The following LAMA3 variants were observed in gnomAD, a reference collection of about 807,000 sequenced individuals.
The protein encoded by LAMA3 is laminin subunit alpha 3.
In LAMA3, 281 loss-of-function variants were observed where a neutral mutation model predicts 402.0. That is an observed-to-expected ratio of 0.70 (90% CI 0.63 to 0.77). LAMA3 has a LOEUF of 0.77. Among genes scored for constraint, LAMA3 ranks in the 30% least tolerant of loss-of-function variants. The probability of loss-of-function intolerance (pLI) is 0.00; values close to 1 mark genes in which losing one functional copy is unlikely to be tolerated. For synonymous variants in LAMA3, 1,431 were observed against 1,558.4 expected, an observed-to-expected ratio of 0.92 and a Z score of 1.93; for missense variants, 3,840 against 4,215.5, an observed-to-expected ratio of 0.91 and a Z score of 2.47.
chr18:23,940,705 A>G (rs1174198557), intron 68 of LAMA3, among the ~76,000 whole-genome samples: 5 of 152,306 alleles, frequency 3.3e-5, no homozygotes, highest in East Asian at 1.9e-4. Flanking sequence ...TTGACTGCCA[A>G]GCTCTGAAGG....
chr18:23,916,762 T>C, intron 60 of LAMA3, 67 bp downstream of exon 60: 1 of 1,516,054 alleles, frequency 6.6e-7, no homozygotes, highest in Non-Finnish European at 9.2e-7. Context: ...TGGAGATAAC[T>C]GGGTTGTTAT....
chr18:23,820,008 C>G lies in LAMA3; in HGVS notation c.2304+11C>G. 2 of 1,613,850 alleles carry G rather than the reference C, an allele frequency of 1.2e-6. No homozygotes were observed. Among genetic ancestry groups the G allele is most frequent in the Non-Finnish European group, 1.7e-6 (2 of 1,179,844 alleles). ...ATGACCTCAGTACAGGTACGCAACCCGAAGAGAGCAGCTTCATGGCTGAGT... is the reference window on the plus strand; with the variant it reads ...ATGACCTCAGTACAGGTACGCAACCGGAAGAGAGCAGCTTCATGGCTGAGT... On this transcript the variant is annotated intron_variant, in intron 19 of 74. Coordinates refer to ENST00000313654, the MANE Select transcript of LAMA3 (RefSeq NM_198129.4).
intron 12 of LAMA3, among the ~76,000 whole-genome samples, chr18:23,786,359 C>T (rs529995964): frequency 6.6e-6 from 1 of 152,194 alleles, no homozygotes; most frequent in Non-Finnish European, 1.5e-5. Flanking sequence ...CTTCTGCAGT[C>T]CTGTATAGCA....
At chr18:23,815,078 C>G (rs1168703532) in intron 15 of LAMA3, 110 bp from the exon 16 acceptor site, 1 of 924,528 alleles carries the variant, frequency 1.1e-6, no homozygotes, top group African/African-American at 1.6e-5. Context: ...TGTTGAACTG[C>G]GCTGGCAAGG....
chr18:23,823,692 G>A (rs1485234041), intron 20 of LAMA3, among the ~76,000 whole-genome samples: 1 of 152,200 alleles, frequency 6.6e-6, no homozygotes, highest in East Asian at 1.9e-4. Context: ...TGTAGAACAA[G>A]AGTGAACCCA....
chr18:23,857,795 AT>A, intron 32 of LAMA3, 48 bp from the exon 33 acceptor site: 2 of 1,613,602 alleles, frequency 1.2e-6, no homozygotes, highest in African/African-American at 2.7e-5. Flanking sequence ...GCACTTTAAA[AT>A]TGTGTGTACA....
intron 9 of LAMA3, 98 bp from the exon 10 acceptor site, chr18:23,775,694 G>T: frequency 1.5e-6 from 2 of 1,370,374 alleles, no homozygotes; most frequent in South Asian, 1.2e-5. Context: ...TATAGACCAA[G>T]GATCAAGTAT....
rs76773018 is a variant in LAMA3 at position 23,810,229 on chromosome 18, C to T, written c.1604-137C>T. 6,254 of 1,004,510 alleles carry T rather than the reference C, an allele frequency of 6.2e-3. 226 individuals carry two copies. The Admixed American group carries it at 0.069, about 11-fold the overall frequency. 62.2% of individuals were successfully genotyped at this position (1,004,510 alleles called of 1,614,324 possible). A position where few individuals can be genotyped will look rare whatever the true frequency, so the allele number is the denominator to read the frequency against. On this transcript the variant is annotated intron_variant, in intron 12 of 74. Transcript: ENST00000313654. ...AGTTGAGTGGCTTGTTTCAGGTTCC[C>T]GATCTCATAAGAAGTGGAGCTGGAA...
intron 20 of LAMA3, 26 bp downstream of exon 20, chr18:23,822,401 G>A (rs1477117657): frequency 2.5e-6 from 4 of 1,607,606 alleles, no homozygotes; most frequent in Non-Finnish European, 3.4e-6. Flanking sequence ...AAAATGTCAA[G>A]CCTCTTTTCA....
chr18:23,704,503 T>C (rs2060850307), intron 1 of LAMA3, among the ~76,000 whole-genome samples: 1 of 152,234 alleles, frequency 6.6e-6, no homozygotes, highest in Non-Finnish European at 1.5e-5. Flanking sequence ...TGATATAAAG[T>C]TCACAGTGTT....
chr18:23,911,664 C>G (rs958393816), intron 55 of LAMA3, among the ~76,000 whole-genome samples: 4 of 151,348 alleles, frequency 2.6e-5, no homozygotes, highest in African/African-American at 4.8e-5. Flanking sequence ...GATGTACTCA[C>G]TTATTTTTCA....
chr18:23,834,166 C>T, intron 24 of LAMA3, 178 bp downstream of exon 24: 2 of 687,164 alleles, frequency 2.9e-6, no homozygotes, highest in East Asian at 2.7e-5. Context: ...TGGGAGTCCT[C>T]TCTATGGGCA....
intron 14 of LAMA3, 77 bp downstream of exon 14, chr18:23,813,180 C>T: frequency 2.0e-6 from 2 of 986,188 alleles, no homozygotes; most frequent in South Asian, 1.3e-5. Flanking sequence ...ACAGTGTGGG[C>T]ACTTCCAGAA....
At chr18:23,914,892 T>A (rs2081561657) in intron 58 of LAMA3, 32 bp downstream of exon 58, 1 of 1,540,520 alleles carries the variant, frequency 6.5e-7, no homozygotes, top group East Asian at 2.3e-5. Flanking sequence ...CTGAATTAAA[T>A]ATTAAAATTT....
At chr18:23,870,170 G>A (rs2064475443) in intron 37 of LAMA3, among the ~76,000 whole-genome samples, 1 of 152,146 alleles carries the variant, frequency 6.6e-6, no homozygotes, top group Non-Finnish European at 1.5e-5. Context: ...AGGTGTAGTG[G>A]CACGTGCCTA....
chr18:23,801,317 G>A (rs1292800488), intron 12 of LAMA3, among the ~76,000 whole-genome samples: 40 of 152,062 alleles, frequency 2.6e-4, no homozygotes, highest in Admixed American at 2.6e-3. Flanking sequence ...ATGAGAGGTG[G>A]GTGAAGGCTG....
At chr18:23,768,171 A>C (rs1598750643) in intron 8 of LAMA3, among the ~76,000 whole-genome samples, 1 of 152,172 alleles carries the variant, frequency 6.6e-6, no homozygotes, top group East Asian at 1.9e-4. Context: ...ACTACAAAAA[A>C]AAAAAAAACT....
At position 23,879,976 on chromosome 18, in the gene LAMA3, T is replaced by C. The variant is rs2064844059; in HGVS notation, c.5113-1960T>C. On this transcript the variant is annotated intron_variant, in intron 39 of 74. Coordinates refer to ENST00000313654, the MANE Select transcript of LAMA3 (RefSeq NM_198129.4). The surrounding 1 kb of genome is among the most constrained non-coding windows in gnomAD (Gnocchi z 4.2). ...TAAGTAGACACAGGACTGAAATATA[T>C]CTATACAGTCATGTTCTACTTTTAA... Among the ~76,000 whole-genome samples, 1 of 152,254 alleles carries C rather than the reference T, an allele frequency of 6.6e-6. No homozygotes were observed. Among genetic ancestry groups the C allele is most frequent in the Non-Finnish European group, 1.5e-5 (1 of 68,044 alleles).
rs1448333756 is a variant in LAMA3 at position 23,943,949 on chromosome 18, G to T, written c.9188G>T (p.Cys3063Phe). 2 of 1,614,078 alleles carry T rather than the reference G, an allele frequency of 1.2e-6. No homozygotes were observed. Among genetic ancestry groups the T allele is most frequent in the African/African-American group, 1.3e-5 (1 of 75,044 alleles). ...TTGAGGATCAAAAGCAAGGAGAAAT[G>T]CAATGATGGGAAATGGCACACGGTA... is the stretch of plus-strand genomic sequence containing the variant. ...KKLRIKSKEK[C>F]NDGKWHTVVF... is the part of the protein sequence containing the mutation. Residue 3063 changes from cysteine to phenylalanine, a missense_variant, in exon 69 of 75, where the codon TGC becomes TTC. Cys to Phe is a radical substitution (Grantham distance 205, BLOSUM62 -2). Around this residue, in one of 3 missense-constraint regions of LAMA3, gnomAD observed 840 missense variants for 981.9 expected, o/e 0.86. Coordinates refer to ENST00000313654, the MANE Select transcript of LAMA3 (RefSeq NM_198129.4).
Sources: gnomAD v4.1 joint callset for allele counts (sites outside exome capture counted in the v4.1 genomes callset) on GRCh38, gnomAD v4.1.1 for gene constraint, gnomAD v4.1.1 regional missense constraint, Gnocchi (gnomAD v3.1) non-coding constraint, MANE v1.5 for transcripts, NCBI Gene and HGNC (gene_info 2026-07-23, HGNC 2026-07-21) for gene names.